SYT7: variants seen among roughly 807,000 people sequenced by gnomAD.
SYT7 encodes synaptotagmin 7.
In SYT7, 29 loss-of-function variants were observed where a neutral mutation model predicts 75.1. The observed-to-expected ratio is 0.39, with a 90% CI of 0.29 to 0.53. The LOEUF (loss-of-function observed/expected upper bound fraction) is 0.53. Ranked by LOEUF, SYT7 falls within the 20% of genes least tolerant of loss-of-function variation. SYT7 has a pLI of 0.77. For missense variants in SYT7, 693 were observed against 953.2 expected, an observed-to-expected ratio of 0.73 and a Z score of 3.59; for synonymous variants, 376 against 401.7, an observed-to-expected ratio of 0.94 and a Z score of 0.76.
intron 1 of SYT7, among the ~76,000 whole-genome samples, chr11:61,559,927 C>A (rs1417817969): frequency 1.3e-5 from 2 of 152,182 alleles, no homozygotes; most frequent in Non-Finnish European, 1.5e-5. Context: ...AGACCCTAGT[C>A]CAGCTGCTAA....
At chr11:61,538,807 G>A (rs2062958150) in intron 6 of SYT7, among the ~76,000 whole-genome samples, 3 of 152,208 alleles carry the variant, frequency 2.0e-5, no homozygotes, top group Admixed American at 1.3e-4. Context: ...CGCAGGCTTT[G>A]AAAGTTTCGA....
At chr11:61,585,888 T>C (rs995397128), upstream of SYT7, among the ~76,000 whole-genome samples, 1 of 152,174 alleles carries the variant, frequency 6.6e-6, no homozygotes, top group African/African-American at 2.4e-5. Context: ...TTACTTGACA[T>C]CTCTGGGCCT....
rs1018756349 is a variant in SYT7 at position 61,553,913 on chromosome 11, T to C, written c.135+2191A>G. Reference sequence around the variant, plus strand: ...GGACAGCGTTTTAAAGTCCCTTCCATGGAGCAAGGAGACAGCCTGATCAAC... The same window carrying C: ...GGACAGCGTTTTAAAGTCCCTTCCACGGAGCAAGGAGACAGCCTGATCAAC... On this transcript the variant is annotated intron_variant, in intron 2 of 12. Coordinates refer to ENST00000539008, the MANE Select transcript of SYT7 (RefSeq NM_001365809.2). The surrounding 1 kb of genome is among the most constrained non-coding windows in gnomAD (Gnocchi z 5.2). Among the ~76,000 whole-genome samples the C allele has an allele frequency of 5.9e-5, 9 of 152,074 alleles. No individual in the cohort carries two copies. The highest frequency in any genetic ancestry group is 2.2e-4 in the African/African-American group (9 of 41,394).
intron 9 of SYT7, chr11:61,525,812 G>A (rs956888330): frequency 6.6e-6 from 1 of 152,364 alleles, no homozygotes; most frequent in African/African-American, 2.4e-5. Flanking sequence ...ATGGCCTGAT[G>A]GAGCAGCAGG....
chr11:61,519,256 A>T (rs1054081607), intron 12 of SYT7, among the ~76,000 whole-genome samples: 1 of 152,250 alleles, frequency 6.6e-6, no homozygotes, highest in Admixed American at 6.5e-5. Flanking sequence ...CACAGGGTTT[A>T]TAAGTGGTGC....
intron 6 of SYT7, chr11:61,541,141 T>C (rs1239647389): frequency 2.0e-6 from 2 of 985,360 alleles, no homozygotes; most frequent in African/African-American, 3.5e-5. Flanking sequence ...AGAGACAGGA[T>C]GCTCCGAGGA....
chr11:61,555,975 G>A, intron 2 of SYT7, 129 bp downstream of exon 2: 1 of 765,410 alleles, frequency 1.3e-6, no homozygotes, highest in Non-Finnish European at 2.1e-6. Context: ...CCCTGACTAT[G>A]CGGACAGGTG....
rs1376749639 is a variant in SYT7 at position 61,580,690 on chromosome 11, C to A, written c.31+100G>T. On this transcript the variant is annotated intron_variant, in intron 1 of 12. Coordinates refer to ENST00000539008, the MANE Select transcript of SYT7 (RefSeq NM_001365809.2). The surrounding 1 kb of genome is among the most constrained non-coding windows in gnomAD (Gnocchi z 6.1). ...CTGGGGGAGCCCGTGCGGCTCCGGG[C>A]GGACAACAGCCCCAGGCTGGGGCTC... 3 of 821,694 alleles carry A rather than the reference C, an allele frequency of 3.7e-6. No homozygotes were observed. The highest frequency in any genetic ancestry group is 1.8e-5 in the African/African-American group (1 of 55,628). The allele number at this position is 821,694 out of a possible 1,614,324, so 50.9% of individuals were successfully genotyped here. A position where few individuals can be genotyped will look rare whatever the true frequency, so the allele number is the denominator to read the frequency against.
Position 61,528,057 on chromosome 11 carries a change from C to T in SYT7, c.1329G>A (p.Gln443=), listed in dbSNP as rs17849204. 113 of 1,614,060 alleles carry T rather than the reference C, an allele frequency of 7.0e-5. 2 individuals are homozygous for T. In the East Asian group the frequency reaches 2.5e-3, roughly 35 times the overall value. The change falls in exon 9 of 13, where the codon CAG becomes CAA. Residue 443 remains glutamine, a synonymous_variant. Transcript: ENST00000539008. ...STLTVKIMKA[Q]ELPAKDFSGT... is the part of the protein sequence containing the mutation. ...CGCTGAAGTCCTTGGCCGGCAGCTC[C>T]TGGGCCTTCATGATCTTCACGGTGA...
intron 5 of SYT7, among the ~76,000 whole-genome samples, chr11:61,544,792 G>A (rs763602568): frequency 6.6e-6 from 1 of 152,218 alleles, no homozygotes; most frequent in Admixed American, 6.5e-5. Flanking sequence ...CTCTGAAGGG[G>A]TGTGTGGCTT....
chr11:61,532,128 T>C (rs911608328), intron 8 of SYT7, among the ~76,000 whole-genome samples: 2 of 152,066 alleles, frequency 1.3e-5, no homozygotes, highest in Non-Finnish European at 1.5e-5. Context: ...CTCCCAAGCC[T>C]ACTTCTTTCT....
intron 1 of SYT7, among the ~76,000 whole-genome samples, chr11:61,569,073 T>G (rs2063850947): frequency 6.6e-6 from 1 of 152,126 alleles, no homozygotes; most frequent in Non-Finnish European, 1.5e-5. Flanking sequence ...CCTGAGGGGC[T>G]TCCTGAGGCC....
upstream of SYT7, among the ~76,000 whole-genome samples, chr11:61,583,318 A>G (rs1042702682): frequency 6.6e-6 from 1 of 152,108 alleles, no homozygotes; most frequent in African/African-American, 2.4e-5. Context: ...CCCACTCCAG[A>G]TCCCTCCACC....
chr11:61,524,342 G>A lies in SYT7; in HGVS notation c.1641+21C>T. 6.2e-7 allele frequency: 1 copy of A among 1,613,346 alleles called. No homozygotes were observed. On this transcript the variant is annotated intron_variant, in intron 10 of 12. Coordinates refer to ENST00000539008, the MANE Select transcript of SYT7 (RefSeq NM_001365809.2). The surrounding 1 kb of genome is among the most constrained non-coding windows in gnomAD (Gnocchi z 4.1). ...CCTGCCCTGCTGCCTGTCCAGCTAA[G>A]ACCCACCCATGGGGCCTTACACTCC...
intron 1 of SYT7, among the ~76,000 whole-genome samples, chr11:61,579,443 ATC>A (rs1225826219): frequency 6.6e-6 from 1 of 152,186 alleles, no homozygotes; most frequent in East Asian, 1.9e-4. Flanking sequence ...AGGAGACTGA[ATC>A]TCTCACCCTC....
At chr11:61,548,269 G>A (rs1362560609) in intron 3 of SYT7, among the ~76,000 whole-genome samples, 1 of 152,224 alleles carries the variant, frequency 6.6e-6, no homozygotes, top group African/African-American at 2.4e-5. Flanking sequence ...TGCTGGTGCA[G>A]CCCCTCCCTG....
intron 1 of SYT7, among the ~76,000 whole-genome samples, chr11:61,568,566 C>T (rs981193125): frequency 2.0e-5 from 3 of 152,308 alleles, no homozygotes; most frequent in Non-Finnish European, 2.9e-5. Flanking sequence ...GGGAGGTGAC[C>T]GCTCAGGCTG....
intron 7 of SYT7, among the ~76,000 whole-genome samples, chr11:61,534,925 G>C (rs1357179144): frequency 6.6e-6 from 1 of 152,220 alleles, no homozygotes; most frequent in Admixed American, 6.5e-5. Context: ...AGCTGGAGAG[G>C]TAAAGTCAGG....
At chr11:61,545,407 G>A (rs936928830) in intron 5 of SYT7, among the ~76,000 whole-genome samples, 1 of 152,242 alleles carries the variant, frequency 6.6e-6, no homozygotes, top group Admixed American at 6.5e-5. Flanking sequence ...ACCAAGACTG[G>A]GACAGCCAAC....
Sources: gnomAD v4.1 joint callset for allele counts (sites outside exome capture counted in the v4.1 genomes callset) on GRCh38, gnomAD v4.1.1 for gene constraint, Gnocchi (gnomAD v3.1) non-coding constraint, MANE v1.5 for transcripts, NCBI Gene and HGNC (gene_info 2026-07-23, HGNC 2026-07-21) for gene names.